EYA4: variants seen among roughly 807,000 people sequenced by gnomAD.
EYA4 encodes protein phosphatase EYA4.
In EYA4, 31 loss-of-function variants were observed where a neutral mutation model predicts 87.9. The ratio of observed to expected loss-of-function variants is 0.35; its 90% CI spans 0.27 to 0.48. The LOEUF (loss-of-function observed/expected upper bound fraction) is 0.48, where lower values mean the gene tolerates loss of function less well. Among genes scored for constraint, EYA4 ranks in the 20% least tolerant of loss-of-function variants. The pLI, the probability that EYA4 is intolerant of heterozygous loss-of-function variation, is 0.99. For synonymous variants in EYA4, 263 were observed against 270.6 expected (o/e 0.97, Z 0.28); for missense variants, 678 against 761.4 (o/e 0.89, Z 1.29).
Position 133,529,472 on chromosome 6 carries a change from C to T in EYA4, c.*667C>T, listed in dbSNP as rs1413316300. ...GATGTGTTGTGCCTTAAAGACAAGA[C>T]AGCATTTGTGTGTTACAATGTAACT... On this transcript the variant is annotated 3_prime_UTR_variant, in exon 20 of 20. Coordinates refer to ENST00000355286, the MANE Select transcript of EYA4 (RefSeq NM_004100.5). The T allele has an allele frequency of 2.0e-6, 2 of 979,072 alleles. No homozygotes were observed. The highest frequency in any genetic ancestry group is 3.7e-5 in the African/African-American group (2 of 53,846). 60.6% of individuals were successfully genotyped at this position (979,072 alleles called of 1,614,324 possible). A position where few individuals can be genotyped will look rare whatever the true frequency, so the allele number is the denominator to read the frequency against.
intron 13 of EYA4, among the ~76,000 whole-genome samples, chr6:133,483,403 A>C (rs983088429): frequency 6.6e-6 from 1 of 152,172 alleles, no homozygotes; most frequent in African/African-American, 2.4e-5. Context: ...AAAATTGTAA[A>C]TCGAAATGGA....
intron 17 of EYA4, among the ~76,000 whole-genome samples, chr6:133,518,034 C>G (rs1026055390): frequency 2.0e-5 from 3 of 152,180 alleles, no homozygotes; most frequent in Non-Finnish European, 4.4e-5. Flanking sequence ...GACTTGCTAT[C>G]TCATGTCCTC....
chr6:133,390,815 G>A (rs776138826), intron 3 of EYA4, among the ~76,000 whole-genome samples: 1 of 152,160 alleles, frequency 6.6e-6, no homozygotes, highest in Admixed American at 6.5e-5. Context: ...TCATTAGAGG[G>A]ATAGAGGAGA....
chr6:133,392,635 T>G (rs1269900783), intron 3 of EYA4, among the ~76,000 whole-genome samples: 4 of 152,194 alleles, frequency 2.6e-5, no homozygotes, highest in African/African-American at 9.7e-5. Context: ...ATTTTCCAAA[T>G]TTTCTACAGT....
At chr6:133,301,012 A>G (rs1779361928) in intron 2 of EYA4, among the ~76,000 whole-genome samples, 1 of 152,008 alleles carries the variant, frequency 6.6e-6, no homozygotes, top group South Asian at 2.1e-4. Context: ...CTAAAGGCCA[A>G]CTCTAGCCAG....
At chr6:133,244,430 G>T (rs1413922628) in intron 1 of EYA4, among the ~76,000 whole-genome samples, 1 of 151,832 alleles carries the variant, frequency 6.6e-6, no homozygotes, top group Non-Finnish European at 1.5e-5. Context: ...CTTAAGATTT[G>T]TATAAAAAGG....
At chr6:133,455,017 C>G (rs1793781742) in intron 5 of EYA4, among the ~76,000 whole-genome samples, 1 of 152,096 alleles carries the variant, frequency 6.6e-6, no homozygotes, top group Non-Finnish European at 1.5e-5. Flanking sequence ...ACTTCAGTTT[C>G]CTTGTCTATA....
At chr6:133,418,370 T>C (rs1419029239) in intron 3 of EYA4, among the ~76,000 whole-genome samples, 4 of 152,198 alleles carry the variant, frequency 2.6e-5, no homozygotes, top group African/African-American at 9.7e-5. Context: ...GGCTAGACTG[T>C]TAGACATCTT....
intron 3 of EYA4, among the ~76,000 whole-genome samples, chr6:133,394,300 T>TTTTA (rs1787593781): frequency 1.4e-5 from 2 of 143,394 alleles, no homozygotes; most frequent in South Asian, 4.5e-4. Flanking sequence ...TTTTTTTTTT[T>TTTTA]TTTTTTTTTT....
chr6:133,357,122 T>C (rs1167117042), intron 2 of EYA4, among the ~76,000 whole-genome samples: 1 of 151,564 alleles, frequency 6.6e-6, no homozygotes, highest in Non-Finnish European at 1.5e-5. Context: ...ATACAAAAAA[T>C]TAGCCGGGCT....
intron 2 of EYA4, among the ~76,000 whole-genome samples, chr6:133,377,744 T>C (rs540336249): frequency 4.6e-5 from 7 of 152,034 alleles, no homozygotes; most frequent in Non-Finnish European, 1.0e-4. Context: ...CTTTAATGAC[T>C]GATGTATTAT....
At chr6:133,502,507 G>A (rs1798221475) in intron 13 of EYA4, 2 of 152,120 alleles carry the variant, frequency 1.3e-5, no homozygotes, top group African/African-American at 4.8e-5. Context: ...GCAGGTGCTG[G>A]CAGCTCCCTC....
Position 133,530,987 on chromosome 6 carries a change from A to G in EYA4, c.*2182A>G, listed in dbSNP as rs376137523. On this transcript the variant is annotated 3_prime_UTR_variant, in exon 20 of 20. Transcript: ENST00000355286. ...AATATTTATTACTGTGAATAAAAAC[A>G]AATTATCTTTACTGTATAGCTGGTT... 51 of 1,285,906 alleles carry G rather than the reference A, an allele frequency of 4.0e-5. No homozygotes were observed. The highest frequency in any genetic ancestry group is 1.7e-4 in the East Asian group (6 of 34,434). The allele number at this position is 1,285,906 out of a possible 1,614,324, so 79.7% of individuals were successfully genotyped here.
At chr6:133,381,075 C>CTTTTTTT (rs5880181) in intron 2 of EYA4, among the ~76,000 whole-genome samples, 1 of 96,820 alleles carries the variant, frequency 1.0e-5, no homozygotes, top group Non-Finnish European at 1.9e-5. Context: ...TTTTTTTTTT[C>CTTTTTTT]TTTTTTTTTT....
chr6:133,335,158 A>T (rs924966370), intron 2 of EYA4, among the ~76,000 whole-genome samples: 5 of 152,230 alleles, frequency 3.3e-5, no homozygotes, highest in African/African-American at 1.2e-4. Context: ...GGATCACTAA[A>T]AGAAAATTAA....
intron 3 of EYA4, among the ~76,000 whole-genome samples, chr6:133,424,982 G>T (rs1489268786): frequency 6.6e-6 from 1 of 150,698 alleles, no homozygotes; most frequent in South Asian, 2.1e-4. Flanking sequence ...TGGCAACCAT[G>T]GATCTTCCTT....
chr6:133,513,116 G>T, intron 16 of EYA4, 78 bp downstream of exon 16: 1 of 1,393,006 alleles, frequency 7.2e-7, no homozygotes, highest in Non-Finnish European at 1.0e-6. Context: ...TGTTAAAGAT[G>T]ATTCTGCTGT....
At chr6:133,477,528 G>C (rs555962042) in intron 11 of EYA4, among the ~76,000 whole-genome samples, 1 of 151,880 alleles carries the variant, frequency 6.6e-6, no homozygotes, top group African/African-American at 2.4e-5. Context: ...TTTATCAGAT[G>C]TATGGTTTGC....
chr6:133,256,793 A>G (rs1296101154), intron 1 of EYA4, among the ~76,000 whole-genome samples: 1 of 152,134 alleles, frequency 6.6e-6, no homozygotes, highest in East Asian at 1.9e-4. Context: ...CGATTTTTAT[A>G]TGTAGAAAAT....
Sources: gnomAD v4.1 joint callset for allele counts (sites outside exome capture counted in the v4.1 genomes callset) on GRCh38, gnomAD v4.1.1 for gene constraint, MANE v1.5 for transcripts, NCBI Gene and HGNC (gene_info 2026-07-23, HGNC 2026-07-21) for gene names.